The following PKD1L3 variants were observed in gnomAD, a reference collection of about 807,000 sequenced individuals.
PKD1L3 encodes the protein polycystin 1 like 3, transient receptor potential channel interacting.
PKD1L3 carries 239 observed loss-of-function variants against 184.1 expected under a neutral mutation model. The ratio of observed to expected loss-of-function variants is 1.30; its 90% confidence interval spans 1.17 to 1.45. The LOEUF (loss-of-function observed/expected upper bound fraction) is 1.45, where lower values mean the gene tolerates loss of function less well. Among genes scored for constraint, PKD1L3 ranks in the 40% most tolerant of loss-of-function variants. The pLI, the probability that PKD1L3 is intolerant of heterozygous loss-of-function variation, is 0.00. For missense variants in PKD1L3, 2,660 were observed against 2,067.2 expected (o/e 1.29, Z -5.56); for synonymous variants, 996 against 778.8 (o/e 1.28, Z -4.64).
chr16:71,944,410 C>T (rs8049508), intron 22 of PKD1L3, among the ~76,000 whole-genome samples: 37,315 of 152,094 alleles, frequency 0.25, 4,795 homozygotes, highest in Non-Finnish European at 0.27. Flanking sequence ...CTGAACACAG[C>T]GGCTCATGCC....
intron 16 of PKD1L3, among the ~76,000 whole-genome samples, chr16:71,958,611 T>C (rs2039142347): frequency 6.7e-6 from 1 of 149,930 alleles, no homozygotes; most frequent in Non-Finnish European, 1.5e-5. Context: ...TGAAACCCCA[T>C]CTCTACTAAA....
At chr16:71,985,441 G>C (rs1397577815) in intron 5 of PKD1L3, among the ~76,000 whole-genome samples, 1 of 152,056 alleles carries the variant, frequency 6.6e-6, no homozygotes, top group Admixed American at 6.6e-5. Context: ...TTTTGAGAGA[G>C]AGTTTTGTTC....
intron 5 of PKD1L3, 37 bp from the exon 6 acceptor site, chr16:71,984,204 C>G (rs1218787368): frequency 1.4e-5 from 21 of 1,539,476 alleles, no homozygotes; most frequent in Non-Finnish European, 1.8e-5. Context: ...ATTACTCATA[C>G]AAAATTACTG....
chr16:71,939,337 C>A (rs1399174940), intron 24 of PKD1L3, among the ~76,000 whole-genome samples: 1 of 152,210 alleles, frequency 6.6e-6, no homozygotes, highest in Non-Finnish European at 1.5e-5. Flanking sequence ...GTAGCAGGAG[C>A]TGAGTACAGG....
intron 24 of PKD1L3, among the ~76,000 whole-genome samples, chr16:71,938,060 G>A (rs940322128): frequency 6.6e-6 from 1 of 152,168 alleles, no homozygotes; most frequent in Non-Finnish European, 1.5e-5. Context: ...TGGAGGGTTG[G>A]GAGCCCCACA....
rs935433402 is a variant in PKD1L3 at position 71,978,457 on chromosome 16, A to G, written c.1399-74T>C. The G allele has an allele frequency of 6.7e-6, 8 of 1,190,752 alleles. No homozygotes were observed. In the African/African-American group the frequency reaches 1.3e-4, roughly 19 times the overall value. 73.8% of individuals were successfully genotyped at this position (1,190,752 alleles called of 1,614,324 possible). A position where few individuals can be genotyped will look rare whatever the true frequency, so the allele number is the denominator to read the frequency against. On this transcript the variant is annotated intron_variant, in intron 9 of 29. Transcript: ENST00000620267. ...AGTGACCCCACTAGAAAGATATATC[A>G]TATATACATATGTATATATGTGTGT...
intron 15 of PKD1L3, among the ~76,000 whole-genome samples, chr16:71,963,610 C>T (rs1242701581): frequency 6.6e-6 from 1 of 152,108 alleles, no homozygotes; most frequent in African/African-American, 2.4e-5. Context: ...CGCAAAATCC[C>T]AACTCTACAA....
intron 4 of PKD1L3, among the ~76,000 whole-genome samples, chr16:71,989,149 G>T (rs985442752): frequency 2.0e-5 from 3 of 151,982 alleles, no homozygotes; most frequent in African/African-American, 7.2e-5. Context: ...AATACTGAGG[G>T]TTTTTTTGTT....
intron 20 of PKD1L3, 35 bp from the exon 21 acceptor site, chr16:71,950,052 G>T: frequency 6.5e-7 from 1 of 1,549,746 alleles, no homozygotes. Flanking sequence ...AATCTTGTAT[G>T]CATCGGCTGA....
intron 2 of PKD1L3, among the ~76,000 whole-genome samples, chr16:71,994,008 A>C (rs2040690586): frequency 1.3e-5 from 2 of 152,070 alleles, no homozygotes. Flanking sequence ...GACCTCAGGT[A>C]ATGTGCCCGC....
chr16:71,978,356 T>C lies in PKD1L3; in HGVS notation c.1426A>G (p.Lys476Glu), dbSNP rs941700619. 4.5e-6 allele frequency: 7 copies of C among 1,550,028 alleles called. No individual in the cohort carries two copies. The African/African-American group carries it at 8.2e-5, about 18-fold the overall frequency. The change falls in exon 10 of 30, where the codon AAG becomes GAG. Residue 476 changes from lysine (K) to glutamate (E), a missense_variant. Lys to Glu is a moderately conservative substitution (Grantham distance 56, BLOSUM62 1). Coordinates refer to ENST00000620267, the MANE Select transcript of PKD1L3 (RefSeq NM_181536.2). ...ACAATGTTTCTGTTGTCCAAATCCT[T>C]GAAGGGATTGAAAGCTAGTCCTGTT... ...QITGLAFNPF[K>E]DLDNRNIVGS...
Position 71,967,121 on chromosome 16 carries a change from G to C in PKD1L3, c.2465+16C>G. The C allele has an allele frequency of 6.5e-7, 1 of 1,549,254 alleles. No individual in the cohort carries two copies. Among genetic ancestry groups the C allele is most frequent in the Non-Finnish European group, 8.7e-7 (1 of 1,145,272 alleles). The stretch of plus-strand genomic sequence containing the variant: ...CACAAAGCAGCAGCAACAGCCAACA[G>C]GATATAAGTACTCACCAGGAGGGAC... On this transcript the variant is annotated intron_variant, in intron 15 of 29. Transcript: ENST00000620267.
chr16:71,944,694 G>GT (rs1274386722), intron 22 of PKD1L3, among the ~76,000 whole-genome samples: 1,038 of 75,958 alleles, frequency 0.014, 12 homozygotes, highest in Non-Finnish European at 0.023. Context: ...GACCATATCT[G>GT]TTTTTTGTTT....
In PKD1L3 at chr16:71,999,929, A is replaced by G; in HGVS notation, c.50T>C (p.Ile17Thr). The change falls in exon 1 of 30, where the codon ATT (isoleucine) becomes ACT (threonine). Residue 17 changes from isoleucine to threonine, a missense_variant. Ile to Thr is a moderately conservative substitution (Grantham distance 89, BLOSUM62 -1). Transcript: ENST00000620267. ...SWLWLYIRTS[I>T]ILGSELNSPA... Reference sequence around the variant, plus strand: ...GCTGTTTAGCTCACTTCCTAGAATAATACTTGTTCTGATGTATAACCAAAG... The same window carrying G: ...GCTGTTTAGCTCACTTCCTAGAATAGTACTTGTTCTGATGTATAACCAAAG... The G allele has an allele frequency of 4.5e-6, 7 of 1,548,638 alleles. No individual in the cohort carries two copies. Among genetic ancestry groups the G allele is most frequent in the Non-Finnish European group, 6.1e-6 (7 of 1,144,502 alleles).
In PKD1L3 at chr16:71,950,104, G is replaced by C; in HGVS notation, c.3383+14C>G. On this transcript the variant is annotated intron_variant, in intron 20 of 29. Transcript: ENST00000620267. ...GATTACAGGGGATAAAGAAGGCTTG[G>C]TGTGGTGCATTACCTGGATGGCTCT... The C allele has an allele frequency of 1.3e-6, 2 of 1,550,434 alleles. No individual in the cohort carries two copies. The highest frequency in any genetic ancestry group is 1.7e-6 in the Non-Finnish European group (2 of 1,145,706).
At chr16:71,965,629 A>G (rs1225313866) in intron 15 of PKD1L3, among the ~76,000 whole-genome samples, 5 of 151,128 alleles carry the variant, frequency 3.3e-5, no homozygotes, top group African/African-American at 1.2e-4. Context: ...TCTCTGCTCA[A>G]CGCAATCTCT....
Position 71,950,135 on chromosome 16 carries a change from C to T in PKD1L3, c.3366G>A (p.Thr1122=), listed in dbSNP as rs113062026. 159 of 1,551,670 alleles carry T rather than the reference C, an allele frequency of 1.0e-4. 1 individual carries two copies. Among genetic ancestry groups the T allele is most frequent in the African/African-American group, 3.7e-4 (27 of 72,956 alleles). ...TGCATTACCTGGATGGCTCTTGCTC[C>T]GTGGGAAGAATATGTGTTTCCAAGA... ...QELLETHILP[T]EQEPSREVTS... is the part of the protein sequence containing the mutation. The change falls in exon 20 of 30, where the codon ACG becomes ACA. Residue 1122 remains threonine, a synonymous_variant. Transcript: ENST00000620267.
intron 4 of PKD1L3, 146 bp downstream of exon 4, chr16:71,990,134 A>AT (rs2040531651): frequency 3.6e-6 from 2 of 556,646 alleles, no homozygotes; most frequent in Non-Finnish European, 5.4e-6. Flanking sequence ...ATTAAATCCA[A>AT]TTTTTTTCTT....
rs1300709113 is a variant in PKD1L3 at position 71,943,959 on chromosome 16, T to C, written c.3859+71A>G. The stretch of plus-strand genomic sequence containing the variant: ...TTTAACCCTTCTTTATTTTCCATTT[T>C]ATTCTCTCTCTTCCTTTCCCTTCTG... On this transcript the variant is annotated intron_variant, in intron 23 of 29. Coordinates refer to ENST00000620267, the MANE Select transcript of PKD1L3 (RefSeq NM_181536.2). 6.2e-6 allele frequency: 9 copies of C among 1,453,472 alleles called. No homozygotes were observed. In the East Asian group the frequency reaches 2.0e-4, roughly 32 times the overall value. The allele number at this position is 1,453,472 out of a possible 1,614,324, so 90.0% of individuals were successfully genotyped here. A position where few individuals can be genotyped will look rare whatever the true frequency, so the allele number is the denominator to read the frequency against.
Sources: gnomAD v4.1 joint callset for allele counts (sites outside exome capture counted in the v4.1 genomes callset) on GRCh38, gnomAD v4.1.1 for gene constraint, MANE v1.5 for transcripts, NCBI Gene and HGNC (gene_info 2026-07-23, HGNC 2026-07-21) for gene names.